Variants in GALNTL6 observed in about 807,000 individuals in gnomAD.
The protein encoded by GALNTL6 is polypeptide N-acetylgalactosaminyltransferase-like 6.
In GALNTL6, 46 loss-of-function variants were observed where a neutral mutation model predicts 73.7. The observed-to-expected ratio is 0.62, with a 90% CI of 0.49 to 0.80. The LOEUF (loss-of-function observed/expected upper bound fraction) is 0.80. GALNTL6 is among the 30% of genes least tolerant of loss of function. The probability of loss-of-function intolerance (pLI) is 0.00; values close to 1 mark genes in which losing one functional copy is unlikely to be tolerated. For synonymous variants in GALNTL6, 259 were observed against 263.7 expected (o/e 0.98, Z 0.17); for missense variants, 604 against 755.0 (o/e 0.80, Z 2.34).
chr4:171,888,784 C>T (rs1457901553), intron 2 of GALNTL6, among the ~76,000 whole-genome samples: 3 of 152,056 alleles, frequency 2.0e-5, no homozygotes, highest in African/African-American at 7.2e-5. Context: ...CTCCTGAATA[C>T]AGACAGAATA....
chr4:173,030,139 C>T (rs1753396305), intron 12 of GALNTL6, among the ~76,000 whole-genome samples: 1 of 131,722 alleles, frequency 7.6e-6, no homozygotes, highest in Admixed American at 7.5e-5. Flanking sequence ...CTTTTGGTAA[C>T]AGAGGACTTA....
rs372005908 is a variant in GALNTL6 at position 172,933,306 on chromosome 4, CTAAAG to C, written c.1149+2041_1149+2045del. 1.1e-4 allele frequency among the ~76,000 whole-genome samples: 16 copies of C among 152,096 alleles called. No homozygotes were observed. The East Asian group carries it at 2.3e-3, about 22-fold the overall frequency. On this transcript the variant is annotated intron_variant, in intron 9 of 12. Coordinates refer to ENST00000506823, the MANE Select transcript of GALNTL6 (RefSeq NM_001034845.3). Reference sequence around the variant, plus strand: ...TGGGTGTGTATGCTTGCTTCGTAGTCTAAAGTAGAGTGTAAAAGCTTGCAGGGGAA... The same window carrying C: ...TGGGTGTGTATGCTTGCTTCGTAGTCTAGAGTGTAAAAGCTTGCAGGGGAA...
chr4:172,723,429 A>C (rs1735604582), intron 5 of GALNTL6, among the ~76,000 whole-genome samples: 1 of 152,158 alleles, frequency 6.6e-6, no homozygotes, highest in Non-Finnish European at 1.5e-5. Flanking sequence ...TCCTCATCTA[A>C]TCATAGGAAA....
intron 2 of GALNTL6, among the ~76,000 whole-genome samples, chr4:171,902,104 G>A (rs1405466045): frequency 6.6e-6 from 1 of 152,108 alleles, no homozygotes; most frequent in East Asian, 1.9e-4. Flanking sequence ...TGTTATATAA[G>A]CAACAAGAAA....
intron 5 of GALNTL6, among the ~76,000 whole-genome samples, chr4:172,595,670 A>G (rs1049162143): frequency 6.6e-6 from 1 of 152,228 alleles, no homozygotes; most frequent in East Asian, 1.9e-4. Flanking sequence ...GAGTAATTTC[A>G]ATGGCAAACT....
chr4:172,374,299 C>G (rs1326958687), intron 5 of GALNTL6, among the ~76,000 whole-genome samples: 1 of 152,200 alleles, frequency 6.6e-6, no homozygotes, highest in African/African-American at 2.4e-5. Context: ...CCTTTTGGGC[C>G]TGTTCCTCTT....
chr4:172,237,824 G>A (rs1737290866), intron 3 of GALNTL6, among the ~76,000 whole-genome samples: 1 of 152,100 alleles, frequency 6.6e-6, no homozygotes, highest in Admixed American at 6.6e-5. Context: ...AGTTACCATA[G>A]CACCATTTAT....
intron 4 of GALNTL6, among the ~76,000 whole-genome samples, chr4:172,325,215 C>A (rs56221420): frequency 0.017 from 2,656 of 151,826 alleles, 43 homozygotes; most frequent in Non-Finnish European, 0.027. Context: ...AACCATCATG[C>A]CAATATATTT....
At chr4:171,935,180 A>G (rs1255741033) in intron 2 of GALNTL6, among the ~76,000 whole-genome samples, 1 of 152,068 alleles carries the variant, frequency 6.6e-6, no homozygotes, top group African/African-American at 2.4e-5. Context: ...CCTAAATTTT[A>G]TTTTCAAAAT....
At chr4:171,937,488 T>TA (rs1738387093) in intron 2 of GALNTL6, among the ~76,000 whole-genome samples, 5 of 152,182 alleles carry the variant, frequency 3.3e-5, no homozygotes, top group Admixed American at 3.3e-4. Flanking sequence ...AAGTTTGTTT[T>TA]TTGTATGCAC....
intron 2 of GALNTL6, among the ~76,000 whole-genome samples, chr4:171,993,199 G>GTA (rs34494696): frequency 0.68 from 103,188 of 151,432 alleles, 35,707 homozygotes; most frequent in South Asian, 0.87. Flanking sequence ...GTCAGAATAA[G>GTA]TATATATAAG....
chr4:173,021,361 T>C, intron 11 of GALNTL6, 115 bp from the exon 12 acceptor site: 1 of 1,047,158 alleles, frequency 9.5e-7, no homozygotes, highest in Non-Finnish European at 1.4e-6. Flanking sequence ...TAGCTCTTTT[T>C]GGCAGATCAC....
chr4:172,943,501 G>T (rs1332741020), intron 9 of GALNTL6, among the ~76,000 whole-genome samples: 1 of 152,160 alleles, frequency 6.6e-6, no homozygotes, highest in Non-Finnish European at 1.5e-5. Flanking sequence ...GTGAGATAGG[G>T]TGTTATTTAT....
At chr4:172,823,847 A>C (rs1307254031) in intron 7 of GALNTL6, among the ~76,000 whole-genome samples, 2 of 152,224 alleles carry the variant, frequency 1.3e-5, no homozygotes, top group Non-Finnish European at 2.9e-5. Flanking sequence ...CCTAGGAGAT[A>C]ACATCTTTAA....
chr4:172,593,249 A>G (rs1208942135), intron 5 of GALNTL6, among the ~76,000 whole-genome samples: 2 of 152,086 alleles, frequency 1.3e-5, no homozygotes, highest in East Asian at 3.9e-4. Flanking sequence ...TTTCTCCATA[A>G]TCTTGTTTGT....
chr4:172,696,345 T>G (rs1447096332), intron 5 of GALNTL6, among the ~76,000 whole-genome samples: 2 of 152,262 alleles, frequency 1.3e-5, no homozygotes, highest in Non-Finnish European at 2.9e-5. Flanking sequence ...TTTAAATATC[T>G]AAACAACCTT....
chr4:172,706,866 T>C (rs1734388838), intron 5 of GALNTL6, among the ~76,000 whole-genome samples: 1 of 152,182 alleles, frequency 6.6e-6, no homozygotes, highest in Admixed American at 6.5e-5. Flanking sequence ...TTGGCTGAGA[T>C]GAAAAGCAGC....
At chr4:172,041,775 C>T (rs746283099) in intron 2 of GALNTL6, among the ~76,000 whole-genome samples, 8 of 152,042 alleles carry the variant, frequency 5.3e-5, no homozygotes, top group Non-Finnish European at 8.8e-5. Flanking sequence ...GAAAGACGGC[C>T]GCAAATACAT....
intron 2 of GALNTL6, among the ~76,000 whole-genome samples, chr4:171,890,771 T>A (rs6852809): frequency 0.01 from 1,597 of 152,254 alleles, 31 homozygotes; most frequent in African/African-American, 0.037. Flanking sequence ...TGACATATAG[T>A]CAAACTCTCT....
Sources: allele counts gnomAD v4.1 joint callset (sites outside exome capture counted in the v4.1 genomes callset), GRCh38; gene constraint gnomAD v4.1.1; transcripts MANE v1.5; gene names NCBI Gene and HGNC (gene_info 2026-07-23, HGNC 2026-07-21).